The following ZRANB1 variants were observed in gnomAD, a reference collection of about 807,000 sequenced individuals.
ZRANB1 encodes ubiquitin thioesterase ZRANB1.
A neutral mutation model predicts 80.5 loss-of-function variants in ZRANB1; 16 were observed. That is an observed-to-expected ratio of 0.20 (90% confidence interval 0.13 to 0.30). The LOEUF is 0.30. Ranked by LOEUF, ZRANB1 falls within the 10% of genes least tolerant of loss-of-function variation. ZRANB1 has a pLI of 1.00. For synonymous variants in ZRANB1, 291 were observed against 293.1 expected (o/e 0.99, Z 0.07); for missense variants, 576 against 862.6 (o/e 0.67, Z 4.16).
chr10:124,961,323 A>G (rs1345189906), intron 1 of ZRANB1, among the ~76,000 whole-genome samples: 2 of 152,174 alleles, frequency 1.3e-5, no homozygotes. Context: ...AAGATTTTTA[A>G]GAACCGTAAT....
chr10:124,918,108 C>CAGT, the ZRANB1 span, among the ~76,000 whole-genome samples: 26 of 152,274 alleles, frequency 1.7e-4, no homozygotes, highest in African/African-American at 6.0e-4. Flanking sequence ...CCCATCTTAC[C>CAGT]AGTATTTTGG....
intron 6 of ZRANB1, 115 bp downstream of exon 6, chr10:124,981,944 CGTG>C: frequency 7.6e-7 from 1 of 1,313,360 alleles, no homozygotes; most frequent in South Asian, 1.3e-5. Flanking sequence ...GAATGCTTGA[CGTG>C]GTATCATCAG....
At chr10:124,961,041 G>T (rs1430389096) in intron 1 of ZRANB1, among the ~76,000 whole-genome samples, 7 of 149,402 alleles carry the variant, frequency 4.7e-5, no homozygotes, top group African/African-American at 1.7e-4. Flanking sequence ...GCTCTTTGTT[G>T]TCCAGGCTGG....
chr10:124,942,010 TCA>T (rs1951539929), upstream of ZRANB1: 1 of 335,678 alleles, frequency 3.0e-6, no homozygotes, highest in Non-Finnish European at 4.3e-6. Flanking sequence ...AATTCATGAA[TCA>T]TAATCTGTGT....
intron 5 of ZRANB1, among the ~76,000 whole-genome samples, chr10:124,977,580 G>T (rs750434204): frequency 2.8e-4 from 43 of 151,864 alleles, no homozygotes; most frequent in Non-Finnish European, 5.9e-4. Context: ...GCGTGGTAGT[G>T]TGTGCCTGTA....
At chr10:124,975,593 C>A (rs996347739) in intron 5 of ZRANB1, among the ~76,000 whole-genome samples, 5 of 152,192 alleles carry the variant, frequency 3.3e-5, no homozygotes, top group Admixed American at 3.3e-4. Flanking sequence ...ATTTGTTTGA[C>A]TTATGTGGTA....
Position 124,987,948 on chromosome 10 carries a change from TTTTG to T in ZRANB1, c.*2963_*2966del, listed in dbSNP as rs1336850620. 1.3e-5 allele frequency: 2 copies of T among 152,504 alleles called. No homozygotes were observed. Among genetic ancestry groups the T allele is most frequent in the African/African-American group, 4.8e-5 (2 of 41,452 alleles). The allele number at this position is 152,504 out of a possible 1,614,324, so 9.4% of individuals were successfully genotyped here. A position where few individuals can be genotyped will look rare whatever the true frequency, so the allele number is the denominator to read the frequency against. On this transcript the variant is annotated 3_prime_UTR_variant, in exon 9 of 9. Coordinates refer to ENST00000359653, the MANE Select transcript of ZRANB1 (RefSeq NM_017580.3). ...TTGCAACACTTCTTTGTAAATATCATTTTGTTTGTTAGGTTATTGGCAAAACAGT... is the reference window on the plus strand; with the variant it reads ...TTGCAACACTTCTTTGTAAATATCATTTTGTTAGGTTATTGGCAAAACAGT...
At chr10:124,940,548 G>A, upstream of ZRANB1, 1 of 1,288,846 alleles carries the variant, frequency 7.8e-7, no homozygotes. Context: ...TAAAATCTTA[G>A]TAAGTGTGGT....
At chr10:124,955,568 T>A (rs1175165708) in intron 1 of ZRANB1, among the ~76,000 whole-genome samples, 2 of 152,216 alleles carry the variant, frequency 1.3e-5, no homozygotes, top group African/African-American at 4.8e-5. Flanking sequence ...CTATGAAGAC[T>A]GTGATCATTT....
chr10:124,980,635 C>T (rs528168065), intron 5 of ZRANB1, among the ~76,000 whole-genome samples: 5 of 152,240 alleles, frequency 3.3e-5, no homozygotes, highest in East Asian at 1.9e-4. Flanking sequence ...TCCTCAGTTA[C>T]GTGGAGTATG....
At chr10:124,963,642 A>G (rs1473750967) in intron 1 of ZRANB1, among the ~76,000 whole-genome samples, 1 of 143,314 alleles carries the variant, frequency 7.0e-6, no homozygotes. Context: ...GGTGGCTAAA[A>G]CTTTAAATTA....
intron 1 of ZRANB1, among the ~76,000 whole-genome samples, chr10:124,951,139 T>C (rs1368050497): frequency 6.6e-6 from 1 of 152,240 alleles, no homozygotes; most frequent in East Asian, 1.9e-4. Context: ...TAGATGGACA[T>C]TTACAATTTG....
At chr10:124,924,640 A>G in the ZRANB1 span, among the ~76,000 whole-genome samples, 1 of 152,120 alleles carries the variant, frequency 6.6e-6, no homozygotes, top group Admixed American at 6.5e-5. Flanking sequence ...GGCATGTGTC[A>G]GTACTTCATT....
chr10:124,962,343 C>T (rs1951740717), intron 1 of ZRANB1: 2 of 981,148 alleles, frequency 2.0e-6, no homozygotes, highest in Non-Finnish European at 2.4e-6. Flanking sequence ...CAGCATAAAC[C>T]ATGCTGTGAT....
chr10:124,917,089 AGGCGGCAGCAGCGGGGCGGGCGGC>A, the ZRANB1 span: 1 of 152,968 alleles, frequency 6.5e-6, no homozygotes, highest in Non-Finnish European at 1.5e-5. Flanking sequence ...GAGAGGGCGG[AGGCGGCAGCAGCGGGGCGGGCGGC>A]GGCGCGAAGG....
intron 1 of ZRANB1, among the ~76,000 whole-genome samples, chr10:124,952,080 CT>C (rs1951643316): frequency 6.6e-6 from 1 of 152,218 alleles, no homozygotes; most frequent in African/African-American, 2.4e-5. Flanking sequence ...CCTCTACCCC[CT>C]CTTTGGGCTT....
the ZRANB1 span, among the ~76,000 whole-genome samples, chr10:124,923,171 C>T: frequency 5.3e-5 from 8 of 151,982 alleles, no homozygotes; most frequent in African/African-American, 1.9e-4. Context: ...CCTGTAGTCT[C>T]AGTTACTCGG....
chr10:124,948,639 G>T (rs950214625), intron 1 of ZRANB1, among the ~76,000 whole-genome samples: 14 of 151,384 alleles, frequency 9.2e-5, no homozygotes, highest in African/African-American at 3.4e-4. Context: ...CATGACTGCC[G>T]TATCTAAAAT....
chr10:124,981,805 A>G lies in ZRANB1; in HGVS notation c.1524A>G (p.Ala508=). The change falls in exon 6 of 9, where the codon GCA becomes GCG. Residue 508 remains alanine, a synonymous_variant. Transcript: ENST00000359653. The part of the protein sequence containing the change: ...LREEQWQEDW[A]FILSLASQPG... Reference sequence around the variant, plus strand: ...AAGAACAGTGGCAAGAAGACTGGGCATTTATACTCTCTCTTGCTAGTCAGG... The same window carrying G: ...AAGAACAGTGGCAAGAAGACTGGGCGTTTATACTCTCTCTTGCTAGTCAGG... 4 of 1,613,750 alleles carry G rather than the reference A, an allele frequency of 2.5e-6. No homozygotes were observed. The highest frequency in any genetic ancestry group is 3.4e-6 in the Non-Finnish European group (4 of 1,179,868).
Sources: gnomAD v4.1 joint callset for allele counts (sites outside exome capture counted in the v4.1 genomes callset) on GRCh38, gnomAD v4.1.1 for gene constraint, MANE v1.5 for transcripts, NCBI Gene and HGNC (gene_info 2026-07-23, HGNC 2026-07-21) for gene names.